Variants in WDR7 observed in about 807,000 individuals in gnomAD.
The protein encoded by WDR7 is WD repeat-containing protein 7.
WDR7 carries 46 observed loss-of-function variants against 169.4 expected under a neutral mutation model. The observed-to-expected ratio is 0.27, with a 90% CI of 0.21 to 0.35. The LOEUF (loss-of-function observed/expected upper bound fraction) is 0.35. Ranked by LOEUF, WDR7 falls within the 10% of genes least tolerant of loss-of-function variation. The pLI, the probability that WDR7 is intolerant of heterozygous loss-of-function variation, is 1.00. For synonymous variants in WDR7, 612 were observed against 666.8 expected, an observed-to-expected ratio of 0.92 and a Z score of 1.27; for missense variants, 1,534 against 1,859.3, an observed-to-expected ratio of 0.83 and a Z score of 3.22.
intron 12 of WDR7, among the ~76,000 whole-genome samples, chr18:56,710,681 C>T (rs1255257112): frequency 6.6e-6 from 1 of 152,156 alleles, no homozygotes; most frequent in Non-Finnish European, 1.5e-5. Context: ...ATTTTTAAGG[C>T]TGCTGAATTA....
At chr18:56,746,749 T>C (rs1313448686) in intron 14 of WDR7, among the ~76,000 whole-genome samples, 1 of 152,190 alleles carries the variant, frequency 6.6e-6, no homozygotes, top group Non-Finnish European at 1.5e-5. Context: ...TGTTTCCATC[T>C]CTATTTCTCT....
At chr18:56,772,722 C>A (rs2044183619) in intron 16 of WDR7, among the ~76,000 whole-genome samples, 1 of 150,278 alleles carries the variant, frequency 6.7e-6, no homozygotes. Context: ...ATAGAAAAAT[C>A]TAAAATAATA....
intron 26 of WDR7, among the ~76,000 whole-genome samples, chr18:56,963,860 A>C (rs1045907844): frequency 1.3e-5 from 2 of 152,088 alleles, no homozygotes; most frequent in Non-Finnish European, 2.9e-5. Context: ...CTCTTTTGTT[A>C]AGACAGTTTT....
chr18:56,773,554 A>G (rs2044196546), intron 16 of WDR7, among the ~76,000 whole-genome samples: 1 of 152,152 alleles, frequency 6.6e-6, no homozygotes, highest in African/African-American at 2.4e-5. Flanking sequence ...AATTATGGCA[A>G]TTGCATGAAG....
rs910361876 is a variant in WDR7, at chr18:56,656,439, C to T, written c.-20+4863C>T. On this transcript the variant is annotated intron_variant, in intron 1 of 27. Coordinates refer to ENST00000254442, the MANE Select transcript of WDR7 (RefSeq NM_015285.3). Reference sequence around the variant, plus strand: ...GGACTACAAGCGCATGCCACCACACCTAGTTAATTTTTTGCATTTTAGTAG... The same window carrying T: ...GGACTACAAGCGCATGCCACCACACTTAGTTAATTTTTTGCATTTTAGTAG... Among the ~76,000 whole-genome samples the T allele has an allele frequency of 2.0e-5, 3 of 152,054 alleles. No individual in the cohort carries two copies. The East Asian group carries it at 5.8e-4, about 29-fold the overall frequency.
chr18:56,661,767 TA>T (rs1440744199), intron 1 of WDR7, among the ~76,000 whole-genome samples: 3 of 152,348 alleles, frequency 2.0e-5, no homozygotes, highest in Admixed American at 6.5e-5. Context: ...GTAGTTTCTT[TA>T]GTGTGTTTTT....
chr18:57,032,816 T>TATATATATAC (rs2048449169), downstream of WDR7: 1 of 75,436 alleles, frequency 1.3e-5, no homozygotes, highest in Admixed American at 1.1e-4. Context: ...TATATATATA[T>TATATATATAC]ATATATATAT....
chr18:56,988,788 G>A (rs982877089), intron 26 of WDR7, among the ~76,000 whole-genome samples: 7 of 152,242 alleles, frequency 4.6e-5, no homozygotes, highest in Middle Eastern at 3.4e-3. Flanking sequence ...TTAATTGGAT[G>A]TTTGGTTTAG....
intron 20 of WDR7, among the ~76,000 whole-genome samples, chr18:56,844,825 T>A (rs1368177288): frequency 3.9e-5 from 6 of 152,208 alleles, no homozygotes; most frequent in Admixed American, 3.9e-4. Context: ...GACTCTTTCC[T>A]GGTATAGTAG....
At chr18:56,890,438 A>G (rs2046249201) in intron 21 of WDR7, among the ~76,000 whole-genome samples, 1 of 152,184 alleles carries the variant, frequency 6.6e-6, no homozygotes, top group Non-Finnish European at 1.5e-5. Flanking sequence ...ATTTTAAGAG[A>G]AGAAAGTGAA....
intron 23 of WDR7, among the ~76,000 whole-genome samples, chr18:56,937,406 G>C (rs542945380): frequency 9.6e-4 from 136 of 142,136 alleles, no homozygotes; most frequent in African/African-American, 4.1e-3. Context: ...AAAAATAAAT[G>C]AAACAACACA....
rs184472799 is a variant in WDR7 at position 56,800,685 on chromosome 18, G to A, written c.3191-15346G>A. Among the ~76,000 whole-genome samples the A allele has an allele frequency of 8.5e-5, 13 of 152,290 alleles. No homozygotes were observed. The East Asian group carries it at 2.3e-3, about 27-fold the overall frequency. On this transcript the variant is annotated intron_variant, in intron 19 of 27. Coordinates refer to ENST00000254442, the MANE Select transcript of WDR7 (RefSeq NM_015285.3). ...GAGGAATATAACTTTTATAATGCCG[G>A]TTCATTGCTCAGATTATCCTGGCAT... is the stretch of plus-strand genomic sequence containing the variant.
intron 26 of WDR7, among the ~76,000 whole-genome samples, chr18:56,967,676 A>T (rs1019736694): frequency 3.3e-5 from 5 of 152,190 alleles, no homozygotes; most frequent in African/African-American, 1.2e-4. Flanking sequence ...CGTGTTAACT[A>T]GCTTTCCTCG....
chr18:56,721,796 C>G (rs1484029315), intron 13 of WDR7: 1 of 152,222 alleles, frequency 6.6e-6, no homozygotes, highest in East Asian at 1.9e-4. Context: ...ATTACCAAGC[C>G]TAAACCACAT....
intron 14 of WDR7, among the ~76,000 whole-genome samples, chr18:56,743,840 T>C (rs1031338803): frequency 1.3e-5 from 2 of 152,024 alleles, no homozygotes; most frequent in Non-Finnish European, 2.9e-5. Flanking sequence ...GAATTGATAA[T>C]TGATGAAGCT....
intron 14 of WDR7, among the ~76,000 whole-genome samples, chr18:56,743,483 A>C (rs1210926917): frequency 1.3e-5 from 2 of 152,162 alleles, no homozygotes; most frequent in Non-Finnish European, 2.9e-5. Context: ...AGAGGGAATC[A>C]AGAGTTTCAG....
chr18:56,831,774 A>T (rs2045312481), intron 20 of WDR7, among the ~76,000 whole-genome samples: 1 of 152,124 alleles, frequency 6.6e-6, no homozygotes, highest in African/African-American at 2.4e-5. Flanking sequence ...GCCCTGAGGG[A>T]CTGTGCCATG....
At chr18:56,799,881 C>T (rs931227194) in intron 19 of WDR7, among the ~76,000 whole-genome samples, 3 of 152,122 alleles carry the variant, frequency 2.0e-5, no homozygotes, top group African/African-American at 4.8e-5. Context: ...AATTGATCTA[C>T]TTTTATTAAT....
At chr18:56,651,631 A>C (rs1288872067) in intron 1 of WDR7, 55 bp downstream of exon 1, 2 of 152,420 alleles carry the variant, frequency 1.3e-5, no homozygotes, top group Non-Finnish European at 2.9e-5. Context: ...ATGTTCCTGC[A>C]CCGTGGAGGT....
Sources: allele counts gnomAD v4.1 joint callset (sites outside exome capture counted in the v4.1 genomes callset), GRCh38; gene constraint gnomAD v4.1.1; transcripts MANE v1.5; gene names NCBI Gene and HGNC (gene_info 2026-07-23, HGNC 2026-07-21).